TIE1: variants seen among roughly 807,000 people sequenced by gnomAD.
TIE1 encodes the protein tyrosine-protein kinase receptor Tie-1.
A neutral mutation model predicts 130.5 loss-of-function variants in TIE1; 89 were observed. The ratio of observed to expected loss-of-function variants is 0.68; its 90% confidence interval spans 0.57 to 0.81. The LOEUF (loss-of-function observed/expected upper bound fraction) is 0.81, where lower values mean the gene tolerates loss of function less well. Ranked by LOEUF, TIE1 falls within the 40% of genes least tolerant of loss-of-function variation. The pLI is 0.00. For missense variants in TIE1, 1,392 were observed against 1,559.8 expected (o/e 0.89, Z 1.81); for synonymous variants, 568 against 629.4 (o/e 0.90, Z 1.46).
In TIE1 at chr1:43,306,694, G is replaced by A. The variant is rs955580298; in HGVS notation, c.485-146G>A. ...GAAGAGGGCACTTCTGAGCTTTCTG[G>A]CGTGGGCATAGGCTCTCGTGGTGCC... On this transcript the variant is annotated intron_variant, in intron 3 of 22. Coordinates refer to ENST00000372476, the MANE Select transcript of TIE1 (RefSeq NM_005424.5). The surrounding 1 kb of genome is among the most constrained non-coding windows in gnomAD (Gnocchi z 4.9). 9.7e-7 allele frequency: 1 copy of A among 1,030,522 alleles called. No individual in the cohort carries two copies. Among genetic ancestry groups the A allele is most frequent in the Non-Finnish European group, 1.4e-6 (1 of 709,834 alleles). 63.8% of individuals were successfully genotyped at this position (1,030,522 alleles called of 1,614,324 possible). A position where few individuals can be genotyped will look rare whatever the true frequency, so the allele number is the denominator to read the frequency against.
Position 43,317,228 on chromosome 1 carries a change from A to C in TIE1, c.2439A>C (p.Ser813=), listed in dbSNP as rs1459437656. Residue 813 remains serine, a synonymous_variant, in exon 15 of 23, where the codon TCA becomes TCC. Coordinates refer to ENST00000372476, the MANE Select transcript of TIE1 (RefSeq NM_005424.5). The surrounding 1 kb of genome is among the most constrained non-coding windows in gnomAD (Gnocchi z 5.1). The stretch of plus-strand genomic sequence containing the variant: ...AGGAGACCATCCTGCAGTTCAGCTC[A>C]GGGACCTTGACACTTACCCGGCGGC... The part of the protein sequence containing the change: ...SGEETILQFS[S]GTLTLTRRPK... The C allele has an allele frequency of 1.2e-6, 2 of 1,614,120 alleles. No homozygotes were observed. Among genetic ancestry groups the C allele is most frequent in the Non-Finnish European group, 1.7e-6 (2 of 1,180,034 alleles).
Position 43,312,202 on chromosome 1 carries a change from C to T in TIE1, c.1630+71C>T. On this transcript the variant is annotated intron_variant, in intron 11 of 22. Transcript: ENST00000372476. The surrounding 1 kb of genome is among the most constrained non-coding windows in gnomAD (Gnocchi z 5.6). ...TTCCCGTCGACCCCAGGGACCCCTG[C>T]CTTTCCCACTGGAGGTTGTTCTTCC... 6 of 1,513,488 alleles carry T rather than the reference C, an allele frequency of 4.0e-6. No homozygotes were observed. The highest frequency in any genetic ancestry group is 5.3e-6 in the Non-Finnish European group (6 of 1,130,958). The allele number at this position is 1,513,488 out of a possible 1,614,324, so 93.8% of individuals were successfully genotyped here.
chr1:43,307,114 G>A lies in TIE1; in HGVS notation c.641-28G>A. The A allele has an allele frequency of 1.2e-6, 2 of 1,613,842 alleles. No homozygotes were observed. Among genetic ancestry groups the A allele is most frequent in the Non-Finnish European group, 1.7e-6 (2 of 1,179,972 alleles). On this transcript the variant is annotated intron_variant, in intron 4 of 22. Coordinates refer to ENST00000372476, the MANE Select transcript of TIE1 (RefSeq NM_005424.5). This position sits in a 1 kb window ranked among gnomAD's most constrained non-coding sequence, Gnocchi z 5.4. ...GTCCTCAGTGGTCAGGTGGGTGAGGGTCAGCTGCTGAAGACACCTTCCTCC... is the reference window on the plus strand; with the variant it reads ...GTCCTCAGTGGTCAGGTGGGTGAGGATCAGCTGCTGAAGACACCTTCCTCC...
intron 1 of TIE1, among the ~76,000 whole-genome samples, chr1:43,304,178 T>G (rs1048791396): frequency 6.6e-6 from 1 of 152,198 alleles, no homozygotes; most frequent in Non-Finnish European, 1.5e-5. Context: ...CAAAGGATCC[T>G]CCCACCTCTG....
chr1:43,310,169 C>T (rs1646774168), intron 9 of TIE1, among the ~76,000 whole-genome samples: 1 of 152,102 alleles, frequency 6.6e-6, no homozygotes, highest in Non-Finnish European at 1.5e-5. Flanking sequence ...CCCCCTCTCT[C>T]ACCTTCTGCT....
chr1:43,314,185 G>A, intron 14 of TIE1: 1 of 723,770 alleles, frequency 1.4e-6, no homozygotes. Flanking sequence ...TATATTAGTG[G>A]TGAAATATTT....
chr1:43,309,564 A>G lies in TIE1; in HGVS notation c.1333+32A>G. On this transcript the variant is annotated intron_variant, in intron 9 of 22. Coordinates refer to ENST00000372476, the MANE Select transcript of TIE1 (RefSeq NM_005424.5). The surrounding 1 kb of genome is among the most constrained non-coding windows in gnomAD (Gnocchi z 6.3). ...GATGTCCTAGGTCCACAGGGAATGG[A>G]CGGTGAGCAGAGTAGGCTCTAGATG... 6.5e-7 allele frequency: 1 copy of G among 1,548,916 alleles called. No homozygotes were observed. The highest frequency in any genetic ancestry group is 8.7e-7 in the Non-Finnish European group (1 of 1,151,530).
chr1:43,311,150 C>G (rs1489068335), intron 9 of TIE1, among the ~76,000 whole-genome samples: 1 of 152,126 alleles, frequency 6.6e-6, no homozygotes, highest in Non-Finnish European at 1.5e-5. Context: ...GTTGTGTGTC[C>G]TTAGGCAAGT....
In TIE1 at chr1:43,315,194, T is replaced by A. The variant is rs796770966; in HGVS notation, c.2409+1226T>A. On this transcript the variant is annotated intron_variant, in intron 14 of 22. Coordinates refer to ENST00000372476, the MANE Select transcript of TIE1 (RefSeq NM_005424.5). The surrounding 1 kb of genome is among the most constrained non-coding windows in gnomAD (Gnocchi z 4.4). ...TCCTCTGAGGGCTTCTTCATTGTCG[T>A]CACTTAGGATCTGAACTCTGTCCTT... The A allele has an allele frequency of 9.8e-5, 15 of 152,402 alleles. No homozygotes were observed. The highest frequency in any genetic ancestry group is 3.6e-4 in the African/African-American group (15 of 41,596). 9.4% of individuals were successfully genotyped at this position (152,402 alleles called of 1,614,324 possible).
At chr1:43,310,310 A>G (rs1466688091) in intron 9 of TIE1, among the ~76,000 whole-genome samples, 1 of 152,234 alleles carries the variant, frequency 6.6e-6, no homozygotes, top group Middle Eastern at 3.4e-3. Context: ...GAGCCAGACA[A>G]CCTGGGCTTG....
At position 43,307,539 on chromosome 1, in the gene TIE1, G is replaced by A. The variant is rs775023450; in HGVS notation, c.880G>A (p.Gly294Arg). ...CCCAGACCCCTATGGCTGCTCTTGT[G>A]GATCTGGCTGGAGAGGAAGCCAGTG... ...CLPDPYGCSC[G>R]SGWRGSQCQE... is the part of the protein sequence containing the mutation. The change falls in exon 6 of 23, where the codon GGA (glycine) becomes AGA (arginine). Residue 294 changes from glycine (G) to arginine (R), a missense_variant. Coordinates refer to ENST00000372476, the MANE Select transcript of TIE1 (RefSeq NM_005424.5). The surrounding 1 kb of genome is among the most constrained non-coding windows in gnomAD (Gnocchi z 5.4). 3 of 1,614,000 alleles carry A rather than the reference G, an allele frequency of 1.9e-6. No homozygotes were observed. Among genetic ancestry groups the A allele is most frequent in the Admixed American group, 1.7e-5 (1 of 60,012 alleles).
chr1:43,321,431 C>G lies in TIE1; in HGVS notation c.3184C>G (p.Leu1062Val). 1 of 1,614,072 alleles carries G rather than the reference C, an allele frequency of 6.2e-7. No individual in the cohort carries two copies. Reference sequence around the variant, plus strand: ...CTACTGTGGCATGACCTGTGCCGAGCTCTATGAAAAGCTGCCCCAGGGCTA... The same window carrying G: ...CTACTGTGGCATGACCTGTGCCGAGGTCTATGAAAAGCTGCCCCAGGGCTA... ...TPYCGMTCAE[L>V]YEKLPQGYRM... Residue 1062 changes from leucine (L) to valine (V), a missense_variant, in exon 21 of 23, where the codon CTC becomes GTC. Around this residue, in one of 6 missense-constraint regions of TIE1, gnomAD observed 104 missense variants for 129.3 expected, o/e 0.80. Coordinates refer to ENST00000372476, the MANE Select transcript of TIE1 (RefSeq NM_005424.5).
In TIE1 at chr1:43,311,734, C is replaced by T. The variant is rs752799814; in HGVS notation, c.1397C>T (p.Ser466Phe). The T allele has an allele frequency of 4.3e-6, 7 of 1,614,110 alleles. No individual in the cohort carries two copies. The highest frequency in any genetic ancestry group is 4.2e-6 in the Non-Finnish European group (5 of 1,180,000). ...LTKQSRQLVVSPLVSFSGDGP... is the reference protein window; with the variant it reads ...LTKQSRQLVVFPLVSFSGDGP... ...AAGCAGAGCCGCCAGCTTGTGGTCT[C>T]CCCGCTGGTCTCGTTCTCTGGGGAT... The change falls in exon 10 of 23, where the codon TCC (serine) becomes TTC (phenylalanine). Residue 466 changes from serine (S) to phenylalanine (F), a missense_variant. This residue lies in a region of TIE1 where 551 missense variants were observed against 565.5 expected (regional missense o/e 0.97). Coordinates refer to ENST00000372476, the MANE Select transcript of TIE1 (RefSeq NM_005424.5).
At position 43,305,248 on chromosome 1, in the gene TIE1, A is replaced by G; in HGVS notation, c.389A>G (p.Asp130Gly). 1 of 1,614,022 alleles carries G rather than the reference A, an allele frequency of 6.2e-7. No homozygotes were observed. Among genetic ancestry groups the G allele is most frequent in the Non-Finnish European group, 8.5e-7 (1 of 1,179,942 alleles). ...CACCCCGCAGCCCACCTGCTTCCAG[A>G]CAAGGTCACACACACTGTGAACAAA... ...HNSPGAHLLPDKVTHTVNKGD... is the reference protein window; with the variant it reads ...HNSPGAHLLPGKVTHTVNKGD... The change falls in exon 3 of 23, where the codon GAC becomes GGC. Residue 130 changes from aspartate to glycine, a missense_variant. By Grantham distance (94) the Asp-to-Gly change is moderately conservative (BLOSUM62 -1). Coordinates refer to ENST00000372476, the MANE Select transcript of TIE1 (RefSeq NM_005424.5).
intron 14 of TIE1, 63 bp downstream of exon 14, chr1:43,314,031 T>C: frequency 6.5e-7 from 1 of 1,529,456 alleles, no homozygotes; most frequent in South Asian, 1.1e-5. Context: ...TCTACCTGTG[T>C]ACACACAATA....
chr1:43,316,969 T>C lies in TIE1; in HGVS notation c.2410-230T>C, dbSNP rs1557452113. The stretch of plus-strand genomic sequence containing the variant: ...GGCTGCAGCCTCTGCATTTCTCTCC[T>C]TGGACATCTGTCCACCCAGCAGCCT... On this transcript the variant is annotated intron_variant, in intron 14 of 22. Coordinates refer to ENST00000372476, the MANE Select transcript of TIE1 (RefSeq NM_005424.5). This position sits in a 1 kb window ranked among gnomAD's most constrained non-coding sequence, Gnocchi z 4.4. 6.6e-6 allele frequency among the ~76,000 whole-genome samples: 1 copy of C among 152,120 alleles called. No individual in the cohort carries two copies. The highest frequency in any genetic ancestry group is 1.5e-5 in the Non-Finnish European group (1 of 68,016).
intron 14 of TIE1, 195 bp downstream of exon 14, chr1:43,314,163 C>A: frequency 1.3e-6 from 1 of 775,692 alleles, no homozygotes. Context: ...GAATTCAGCT[C>A]ATGAGCCCAT....
At position 43,313,248 on chromosome 1, in the gene TIE1, G is replaced by C; in HGVS notation, c.2041G>C (p.Val681Leu). ...GCCAATATCCAAGTACGTTGTGGAGGTGCAGGTGGCTGGGGGTGCAGGAGA... is the reference window on the plus strand; with the variant it reads ...GCCAATATCCAAGTACGTTGTGGAGCTGCAGGTGGCTGGGGGTGCAGGAGA... The part of the protein sequence containing the change: ...PGPISKYVVE[V>L]QVAGGAGDPL... Residue 681 changes from valine (V) to leucine (L), a missense_variant, in exon 13 of 23, where the codon GTG becomes CTG. Transcript: ENST00000372476. This position sits in a 1 kb window ranked among gnomAD's most constrained non-coding sequence, Gnocchi z 6.2. The C allele has an allele frequency of 6.2e-7, 1 of 1,614,038 alleles. No individual in the cohort carries two copies. Among genetic ancestry groups the C allele is most frequent in the Non-Finnish European group, 8.5e-7 (1 of 1,179,938 alleles).
rs1646862993 is a variant in TIE1, at chr1:43,316,925, C to G, written c.2410-274C>G. ...AAGCCCTGGTTCTGCCTTCCAGAGT[C>G]CCGTACACTAGATCCCCTGGCTGCA... On this transcript the variant is annotated intron_variant, in intron 14 of 22. Transcript: ENST00000372476. This position sits in a 1 kb window ranked among gnomAD's most constrained non-coding sequence, Gnocchi z 4.4. Among the ~76,000 whole-genome samples, 1 of 152,214 alleles carries G rather than the reference C, an allele frequency of 6.6e-6. No homozygotes were observed. The highest frequency in any genetic ancestry group is 2.1e-4 in the South Asian group (1 of 4,834).
Sources: allele counts gnomAD v4.1 joint callset (sites outside exome capture counted in the v4.1 genomes callset), GRCh38; gene constraint gnomAD v4.1.1; regional missense constraint gnomAD v4.1.1; non-coding constraint Gnocchi (gnomAD v3.1); transcripts MANE v1.5; gene names NCBI Gene and HGNC (gene_info 2026-07-23, HGNC 2026-07-21).